Variants in CTNNBIP1 observed in about 807,000 individuals in gnomAD.
CTNNBIP1 encodes the protein catenin beta interacting protein 1, also known as beta-catenin-interacting protein 1.
In CTNNBIP1, 7 loss-of-function variants were observed where a neutral mutation model predicts 11.8. That is an observed-to-expected ratio of 0.60 (90% CI 0.34 to 1.12). The LOEUF is 1.12. Among genes scored for constraint, CTNNBIP1 ranks in the 50% most tolerant of loss-of-function variants. CTNNBIP1 has a pLI of 0.03. For synonymous variants in CTNNBIP1, 58 were observed against 43.9 expected, an observed-to-expected ratio of 1.32 and a Z score of -1.26; for missense variants, 101 against 113.4, an observed-to-expected ratio of 0.89 and a Z score of 0.50.
chr1:9,858,249 C>A lies in CTNNBIP1; in HGVS notation c.188-7473G>T, dbSNP rs1217961742. Among the ~76,000 whole-genome samples, 6 of 152,152 alleles carry A rather than the reference C, an allele frequency of 3.9e-5. No individual in the cohort carries two copies. The South Asian group carries it at 1.0e-3, about 26-fold the overall frequency. ...TGATGGTCCATTCTCCACATAACTG[C>A]CAGGGGGAAGTTGTTAGAAACCTAA... On this transcript the variant is annotated intron_variant, in intron 5 of 5. Coordinates refer to ENST00000377263, the MANE Select transcript of CTNNBIP1 (RefSeq NM_020248.3).
In CTNNBIP1 at chr1:9,873,524, C is replaced by T. The variant is rs1638907032; in HGVS notation, c.-24-1436G>A. On this transcript the variant is annotated intron_variant, in intron 3 of 5. Transcript: ENST00000377263. ...GCACTGACCCATTCTCACTTCCTTCCACTTCACTAGATGTGGAGCACTGCC... is the reference window on the plus strand; with the variant it reads ...GCACTGACCCATTCTCACTTCCTTCTACTTCACTAGATGTGGAGCACTGCC... Among the ~76,000 whole-genome samples the T allele has an allele frequency of 2.0e-5, 3 of 151,152 alleles. No individual in the cohort carries two copies. The South Asian group carries it at 6.2e-4, about 31-fold the overall frequency.
chr1:9,876,573 T>C (rs1254258640), intron 3 of CTNNBIP1, among the ~76,000 whole-genome samples: 2 of 152,250 alleles, frequency 1.3e-5, no homozygotes, highest in East Asian at 1.9e-4. Flanking sequence ...GCCAAGATCA[T>C]GCCACTGCAC....
rs2101414686 is a variant in CTNNBIP1 at position 9,850,619 on chromosome 1, G to A, written c.*99C>T. ...GGGCAGGGTTGGGTAGGGGAAGGGG[G>A]AGGTGGGGCAAGGGGGGCTGCTGCC... On this transcript the variant is annotated 3_prime_UTR_variant, in exon 6 of 6. Coordinates refer to ENST00000377263, the MANE Select transcript of CTNNBIP1 (RefSeq NM_020248.3). 9.5e-7 allele frequency: 1 copy of A among 1,056,914 alleles called. No individual in the cohort carries two copies. Among genetic ancestry groups the A allele is most frequent in the Non-Finnish European group, 1.5e-6 (1 of 677,850 alleles). 65.5% of individuals were successfully genotyped at this position (1,056,914 alleles called of 1,614,324 possible).
At chr1:9,904,197 C>A (rs1372578125) in intron 1 of CTNNBIP1, among the ~76,000 whole-genome samples, 1 of 152,212 alleles carries the variant, frequency 6.6e-6, no homozygotes, top group Non-Finnish European at 1.5e-5. Context: ...ATATGACTAG[C>A]AGGCATTTCA....
At chr1:9,907,252 C>A (rs1639636485) in intron 1 of CTNNBIP1, among the ~76,000 whole-genome samples, 1 of 152,156 alleles carries the variant, frequency 6.6e-6, no homozygotes, top group Non-Finnish European at 1.5e-5. Flanking sequence ...CTCACTGCAA[C>A]CTCCACCTCC....
chr1:9,848,405 C>T lies in CTNNBIP1; in HGVS notation c.*2313G>A, dbSNP rs1038702504. The T allele has an allele frequency of 3.9e-5, 6 of 152,350 alleles. No homozygotes were observed. The highest frequency in any genetic ancestry group is 3.4e-3 in the Middle Eastern group (1 of 294). The allele number at this position is 152,350 out of a possible 1,614,324, so 9.4% of individuals were successfully genotyped here. On this transcript the variant is annotated 3_prime_UTR_variant, in exon 6 of 6. Transcript: ENST00000377263. The surrounding 1 kb of genome is among the most constrained non-coding windows in gnomAD (Gnocchi z 4.3). ...AGACAGGCCGGGGTCATCATTGTTA[C>T]AAAAGCAAGGCCTGTGATCGTGACA...
intron 1 of CTNNBIP1, among the ~76,000 whole-genome samples, chr1:9,885,671 C>T (rs567570522): frequency 7.9e-5 from 12 of 151,070 alleles, no homozygotes; most frequent in South Asian, 2.1e-4. Context: ...AGGACAGGTG[C>T]GGTGGCTCAG....
At chr1:9,861,419 T>C (rs927071537) in intron 5 of CTNNBIP1, among the ~76,000 whole-genome samples, 4 of 152,204 alleles carry the variant, frequency 2.6e-5, no homozygotes, top group East Asian at 3.8e-4. Context: ...GGGTGTTCTA[T>C]ACATCTCAGC....
At chr1:9,891,341 C>T (rs1351958747) in intron 1 of CTNNBIP1, among the ~76,000 whole-genome samples, 3 of 152,182 alleles carry the variant, frequency 2.0e-5, no homozygotes, top group Admixed American at 6.5e-5. Flanking sequence ...ACCTCTCTCT[C>T]CAGCTCTTCT....
intron 5 of CTNNBIP1, among the ~76,000 whole-genome samples, chr1:9,862,128 T>C (rs916527450): frequency 1.3e-5 from 2 of 150,904 alleles, no homozygotes; most frequent in South Asian, 4.3e-4. Context: ...TTCAAATTCC[T>C]TGGTTCCCCA....
intron 1 of CTNNBIP1, among the ~76,000 whole-genome samples, chr1:9,908,173 C>G (rs1350568333): frequency 6.6e-6 from 1 of 152,070 alleles, no homozygotes; most frequent in Non-Finnish European, 1.5e-5. Context: ...ATTCTCCTGC[C>G]TCAGCCTCCC....
intron 1 of CTNNBIP1, among the ~76,000 whole-genome samples, chr1:9,896,519 T>C (rs1400286366): frequency 6.6e-6 from 1 of 151,868 alleles, no homozygotes; most frequent in Non-Finnish European, 1.5e-5. Context: ...GCCAACATGG[T>C]GAAACCCCGT....
intron 1 of CTNNBIP1, among the ~76,000 whole-genome samples, chr1:9,887,395 A>C (rs1160424734): frequency 2.0e-5 from 3 of 152,236 alleles, no homozygotes; most frequent in Non-Finnish European, 4.4e-5. Flanking sequence ...GAGTTGACAG[A>C]CGCATTATCC....
rs11121498 is a variant in CTNNBIP1, at chr1:9,865,112, C to T, written c.187+6075G>A. Among the ~76,000 whole-genome samples, 546 of 152,054 alleles carry T rather than the reference C, an allele frequency of 3.6e-3. 4 individuals carry two copies. Among genetic ancestry groups the T allele is most frequent in the African/African-American group, 0.012 (504 of 41,474 alleles). On this transcript the variant is annotated intron_variant, in intron 5 of 5. Transcript: ENST00000377263. ...GGCATGGTGACATGCACCTGTAATC[C>T]CAGCTACCTGGGAGGCTAAGGCAAG...
chr1:9,898,179 A>T (rs192221184), intron 1 of CTNNBIP1, among the ~76,000 whole-genome samples: 4 of 152,024 alleles, frequency 2.6e-5, no homozygotes, highest in East Asian at 1.9e-4. Flanking sequence ...ATAAAATATT[A>T]AAAAATCTGA....
In CTNNBIP1 at chr1:9,874,988, T is replaced by G. The variant is rs190748946; in HGVS notation, c.-24-2900A>C. Among the ~76,000 whole-genome samples the G allele has an allele frequency of 4.1e-3, 622 of 152,300 alleles. 3 individuals carry two copies. Among genetic ancestry groups the G allele is most frequent in the Non-Finnish European group, 6.9e-3 (469 of 68,024 alleles). On this transcript the variant is annotated intron_variant, in intron 3 of 5. Coordinates refer to ENST00000377263, the MANE Select transcript of CTNNBIP1 (RefSeq NM_020248.3). ...CCAATTCTGTCCTGTGCCTAAGGGC[T>G]AGTTTTCATTTGCTCTCTCCTGGTG...
In CTNNBIP1 at chr1:9,867,551, G is replaced by A. The variant is rs2101470409; in HGVS notation, c.187+3636C>T. Among the ~76,000 whole-genome samples, 1 of 152,300 alleles carries A rather than the reference G, an allele frequency of 6.6e-6. No individual in the cohort carries two copies. The highest frequency in any genetic ancestry group is 1.9e-4 in the East Asian group (1 of 5,186). ...CAAGGTCGGGTGCTGTCCGTTGGAG[G>A]GTCTGCCTCAGACCCCCTGCTAGAG... On this transcript the variant is annotated intron_variant, in intron 5 of 5. Transcript: ENST00000377263. The surrounding 1 kb of genome is among the most constrained non-coding windows in gnomAD (Gnocchi z 4.6).
chr1:9,893,860 AATC>A (rs1186978443), intron 1 of CTNNBIP1, among the ~76,000 whole-genome samples: 1 of 152,204 alleles, frequency 6.6e-6, no homozygotes, highest in African/African-American at 2.4e-5. Context: ...GAAAGACACT[AATC>A]ATAAAAACTT....
intron 1 of CTNNBIP1, among the ~76,000 whole-genome samples, chr1:9,884,559 A>T (rs1230454014): frequency 6.6e-6 from 1 of 152,206 alleles, no homozygotes; most frequent in Non-Finnish European, 1.5e-5. Flanking sequence ...CCTGGTCACC[A>T]GTTCAGAGTC....
Sources: gnomAD v4.1 joint callset for allele counts (sites outside exome capture counted in the v4.1 genomes callset) on GRCh38, gnomAD v4.1.1 for gene constraint, Gnocchi (gnomAD v3.1) non-coding constraint, MANE v1.5 for transcripts, NCBI Gene and HGNC (gene_info 2026-07-23, HGNC 2026-07-21) for gene names.